The following CACHD1 variants were observed in gnomAD, a reference collection of about 807,000 sequenced individuals.
The protein encoded by CACHD1 is VWFA and cache domain-containing protein 1.
A neutral mutation model predicts 138.7 loss-of-function variants in CACHD1; 71 were observed. The ratio of observed to expected loss-of-function variants is 0.51; its 90% CI spans 0.42 to 0.62. The LOEUF is 0.62. Ranked by LOEUF, CACHD1 falls within the 20% of genes least tolerant of loss-of-function variation. The pLI is 0.00. For missense variants in CACHD1, 1,389 were observed against 1,625.3 expected, an observed-to-expected ratio of 0.85 and a Z score of 2.50; for synonymous variants, 578 against 591.5, an observed-to-expected ratio of 0.98 and a Z score of 0.33.
chr1:64,533,576 G>A (rs1324157749), intron 1 of CACHD1, among the ~76,000 whole-genome samples: 7 of 152,090 alleles, frequency 4.6e-5, no homozygotes, highest in South Asian at 2.1e-4. Context: ...TGTTTTAAAC[G>A]TATCTGTTTA....
At chr1:64,511,139 C>T (rs974918022) in intron 1 of CACHD1, among the ~76,000 whole-genome samples, 2 of 152,132 alleles carry the variant, frequency 1.3e-5, no homozygotes, top group African/African-American at 4.8e-5. Flanking sequence ...AGATGGAGTA[C>T]GGTATGTAGT....
chr1:64,650,106 T>C (rs1649040195), intron 9 of CACHD1, among the ~76,000 whole-genome samples: 1 of 152,230 alleles, frequency 6.6e-6, no homozygotes, highest in Non-Finnish European at 1.5e-5. Context: ...TTGAGGATTT[T>C]GTCAATATAA....
intron 4 of CACHD1, among the ~76,000 whole-genome samples, chr1:64,615,454 A>G (rs1647677888): frequency 6.6e-6 from 1 of 152,178 alleles, no homozygotes; most frequent in South Asian, 2.1e-4. Context: ...ACTGTATGGC[A>G]CATTCTTACT....
intron 4 of CACHD1, among the ~76,000 whole-genome samples, chr1:64,605,769 A>G (rs539463304): frequency 6.6e-6 from 1 of 152,044 alleles, no homozygotes; most frequent in African/African-American, 2.4e-5. Flanking sequence ...TCATTGCCTT[A>G]TTTTTTGTCT....
intron 3 of CACHD1, among the ~76,000 whole-genome samples, chr1:64,593,704 G>A (rs1258002755): frequency 2.0e-5 from 3 of 152,126 alleles, no homozygotes; most frequent in East Asian, 1.9e-4. Flanking sequence ...CCTGCAGGCC[G>A]ACTAAATGTT....
intron 1 of CACHD1, among the ~76,000 whole-genome samples, chr1:64,473,585 G>A (rs1646158063): frequency 6.6e-6 from 1 of 151,970 alleles, no homozygotes; most frequent in African/African-American, 2.4e-5. Context: ...GGGTGGAGAG[G>A]GGGATAGTTG....
intron 16 of CACHD1, 120 bp from the exon 17 acceptor site, chr1:64,671,444 A>G (rs759263371): frequency 6.6e-6 from 7 of 1,056,826 alleles, no homozygotes; most frequent in Non-Finnish European, 9.9e-6. Context: ...TAGGTGGGAA[A>G]AGTAGGGAGG....
Position 64,578,255 on chromosome 1 carries a change from T to C in CACHD1, c.262-3901T>C, listed in dbSNP as rs536754131. Reference sequence around the variant, plus strand: ...TACTTTGTGGCTTTGGGCTCATCACTTAACTCATTGATATAAAATGAGAAT... The same window carrying C: ...TACTTTGTGGCTTTGGGCTCATCACCTAACTCATTGATATAAAATGAGAAT... On this transcript the variant is annotated intron_variant, in intron 2 of 26. Transcript: ENST00000651257. 1.6e-3 allele frequency among the ~76,000 whole-genome samples: 242 copies of C among 152,336 alleles called. 1 individual carries two copies. The highest frequency in any genetic ancestry group is 5.7e-3 in the African/African-American group (239 of 41,584).
At chr1:64,491,260 CTT>C (rs200146551) in intron 1 of CACHD1, among the ~76,000 whole-genome samples, 2 of 144,254 alleles carry the variant, frequency 1.4e-5, no homozygotes, top group Non-Finnish European at 1.5e-5. Flanking sequence ...CTCTCTCTCT[CTT>C]TTTTTTTTTT....
intron 6 of CACHD1, among the ~76,000 whole-genome samples, chr1:64,633,105 C>T (rs1172385406): frequency 1.3e-5 from 2 of 152,196 alleles, no homozygotes; most frequent in East Asian, 1.9e-4. Flanking sequence ...CTGGGAGCTG[C>T]GGCTCGCTGC....
At chr1:64,673,724 A>T (rs1288076839) in intron 19 of CACHD1, among the ~76,000 whole-genome samples, 2 of 152,120 alleles carry the variant, frequency 1.3e-5, no homozygotes, top group African/African-American at 2.4e-5. Flanking sequence ...GACTTTCCCA[A>T]TGTAAGTCCT....
At chr1:64,684,328 G>A (rs1010704894) in intron 26 of CACHD1, among the ~76,000 whole-genome samples, 1 of 136,440 alleles carries the variant, frequency 7.3e-6, no homozygotes, top group Non-Finnish European at 1.6e-5. Context: ...AGTCATATTC[G>A]TGGATTTTCT....
chr1:64,524,988 C>A (rs534419620), intron 1 of CACHD1, among the ~76,000 whole-genome samples: 1 of 152,138 alleles, frequency 6.6e-6, no homozygotes, highest in South Asian at 2.1e-4. Flanking sequence ...AGTAGAGAGC[C>A]GAGCTTTGAA....
chr1:64,565,775 G>A (rs1358873066), intron 2 of CACHD1, among the ~76,000 whole-genome samples: 1 of 152,122 alleles, frequency 6.6e-6, no homozygotes, highest in African/African-American at 2.4e-5. Flanking sequence ...AGAAGAGCAG[G>A]TATTATTATC....
intron 2 of CACHD1, among the ~76,000 whole-genome samples, chr1:64,565,033 G>C (rs1221158967): frequency 6.7e-6 from 1 of 150,264 alleles, no homozygotes; most frequent in East Asian, 2.0e-4. Context: ...ATATTTCCAG[G>C]ATCTGGATTT....
chr1:64,568,158 G>A (rs1394778425), intron 2 of CACHD1, among the ~76,000 whole-genome samples: 1 of 152,076 alleles, frequency 6.6e-6, no homozygotes, highest in Non-Finnish European at 1.5e-5. Context: ...TGGGCTATTG[G>A]GGTTTTGTTT....
At chr1:64,495,806 C>T (rs1193890237) in intron 1 of CACHD1, among the ~76,000 whole-genome samples, 5 of 150,538 alleles carry the variant, frequency 3.3e-5, no homozygotes, top group African/African-American at 1.2e-4. Context: ...TCTTCTTTTT[C>T]TTCAAGTTAT....
intron 3 of CACHD1, among the ~76,000 whole-genome samples, chr1:64,595,936 T>C (rs1261770751): frequency 6.6e-6 from 1 of 152,228 alleles, no homozygotes; most frequent in East Asian, 1.9e-4. Flanking sequence ...GCTGAGTTGC[T>C]GAACCCTGAA....
chr1:64,509,754 T>C (rs1646404952), intron 1 of CACHD1, among the ~76,000 whole-genome samples: 1 of 152,228 alleles, frequency 6.6e-6, no homozygotes, highest in African/African-American at 2.4e-5. Flanking sequence ...CCTATTTTAA[T>C]ATTGTGACAT....
Sources: gnomAD v4.1 joint callset for allele counts (sites outside exome capture counted in the v4.1 genomes callset) on GRCh38, gnomAD v4.1.1 for gene constraint, MANE v1.5 for transcripts, NCBI Gene and HGNC (gene_info 2026-07-23, HGNC 2026-07-21) for gene names.